Variants in UTRN observed in about 807,000 individuals in gnomAD.
UTRN encodes the protein dystrophin-related protein 1.
A neutral mutation model predicts 463.9 loss-of-function variants in UTRN; 283 were observed. The observed-to-expected ratio is 0.61, with a 90% CI of 0.55 to 0.67. The LOEUF (loss-of-function observed/expected upper bound fraction) is 0.67, where lower values mean the gene tolerates loss of function less well. Among genes scored for constraint, UTRN ranks in the 30% least tolerant of loss-of-function variants. UTRN has a pLI of 0.00. For synonymous variants in UTRN, 1,442 were observed against 1,431.5 expected (o/e 1.01, Z -0.17); for missense variants, 3,922 against 4,084.3 (o/e 0.96, Z 1.08).
chr6:144,427,826 G>A (rs1292141288), intron 7 of UTRN, among the ~76,000 whole-genome samples: 1 of 152,168 alleles, frequency 6.6e-6, no homozygotes, highest in Admixed American at 6.5e-5. Flanking sequence ...AGGGTATACA[G>A]CAGAGAACAA....
chr6:144,836,286 C>G lies in UTRN; in HGVS notation c.9825-15C>G, dbSNP rs755250336. On this transcript the variant is annotated splice_polypyrimidine_tract_variant and intron_variant, in intron 70 of 74. Transcript: ENST00000367545. ...CACGTGGTAGTCATTCTGTTTCTCC[C>G]TCTTTCTGTATTAGAAATCTACAGG... 5 of 1,613,938 alleles carry G rather than the reference C, an allele frequency of 3.1e-6. No individual in the cohort carries two copies. The South Asian group carries it at 5.5e-5, about 18-fold the overall frequency.
At chr6:144,422,881 T>G (rs1413968444) in intron 4 of UTRN, among the ~76,000 whole-genome samples, 1 of 152,232 alleles carries the variant, frequency 6.6e-6, no homozygotes, top group Non-Finnish European at 1.5e-5. Context: ...GATGTCATTC[T>G]CTCTCTTTGC....
At chr6:144,299,491 A>G (rs1219356007) in intron 2 of UTRN, among the ~76,000 whole-genome samples, 3 of 152,106 alleles carry the variant, frequency 2.0e-5, no homozygotes, top group African/African-American at 4.8e-5. Context: ...GGTGAAGTTA[A>G]AAGTGAGGAA....
At chr6:144,484,776 G>A (rs928463585) in intron 27 of UTRN, among the ~76,000 whole-genome samples, 5 of 151,782 alleles carry the variant, frequency 3.3e-5, no homozygotes, top group Non-Finnish European at 5.9e-5. Flanking sequence ...TTTCTCTCCT[G>A]TTTTTCTTAC....
chr6:144,828,407 C>T (rs1424463176), intron 68 of UTRN, among the ~76,000 whole-genome samples: 1 of 152,120 alleles, frequency 6.6e-6, no homozygotes, highest in Non-Finnish European at 1.5e-5. Flanking sequence ...AGAGTTGGAT[C>T]ATGTCCTTAG....
intron 2 of UTRN, among the ~76,000 whole-genome samples, chr6:144,300,552 T>C (rs745577354): frequency 2.6e-5 from 4 of 152,240 alleles, no homozygotes; most frequent in Non-Finnish European, 5.9e-5. Flanking sequence ...GGGATCTTTA[T>C]TTCTTCTTTG....
chr6:144,508,495 A>G (rs1160039822), intron 34 of UTRN, among the ~76,000 whole-genome samples: 1 of 152,164 alleles, frequency 6.6e-6, no homozygotes, highest in Non-Finnish European at 1.5e-5. Flanking sequence ...TCCCTTGGCT[A>G]GGGGAGGGAG....
chr6:144,717,223 A>G (rs73779107), intron 53 of UTRN, among the ~76,000 whole-genome samples: 3,463 of 152,310 alleles, frequency 0.023, 158 homozygotes, highest in African/African-American at 0.08. Flanking sequence ...TCATAGATGT[A>G]TAGAAATTTA....
Position 144,836,489 on chromosome 6 carries a change from A to G in UTRN, c.10013A>G (p.His3338Arg), listed in dbSNP as rs1413278884. The part of the protein sequence containing the change: ...LEARMQILED[H>R]NKQLESQLHR... ...GCTAGGATGCAGATTTTAGAAGATC[A>G]CAATAAACAGCTGGAGTCTCAGCTC... The change falls in exon 71 of 75, where the codon CAC becomes CGC. Residue 3338 changes from histidine to arginine, a missense_variant. By Grantham distance (29) the His-to-Arg change is conservative. Around this residue, in one of 3 missense-constraint regions of UTRN, gnomAD observed 1,309 missense variants for 1,452.6 expected, o/e 0.90. Transcript: ENST00000367545. The G allele has an allele frequency of 6.2e-7, 1 of 1,613,936 alleles. No individual in the cohort carries two copies. Among genetic ancestry groups the G allele is most frequent in the Non-Finnish European group, 8.5e-7 (1 of 1,179,980 alleles).
intron 50 of UTRN, 45 bp from the exon 51 acceptor site, chr6:144,577,054 A>G: frequency 6.3e-7 from 1 of 1,584,236 alleles, no homozygotes; most frequent in Non-Finnish European, 8.6e-7. Flanking sequence ...GGAATGTCAC[A>G]ACACTGTAAG....
At chr6:144,732,949 C>A (rs970994492) in intron 54 of UTRN, among the ~76,000 whole-genome samples, 3 of 152,128 alleles carry the variant, frequency 2.0e-5, no homozygotes, top group African/African-American at 7.2e-5. Flanking sequence ...GCCATCTTCC[C>A]ATTTTGGTCT....
Position 144,730,471 on chromosome 6 carries a change from C to G in UTRN, c.7924C>G (p.Leu2642Val). Reference sequence around the variant, plus strand: ...GGCCCCTGAAGAGCCAAGAAGAAACCTACAATCAAAAACAGGTGAGACTGG... The same window carrying G: ...GGCCCCTGAAGAGCCAAGAAGAAACGTACAATCAAAAACAGGTGAGACTGG... ...IEAPEEPRRN[L>V]QSKTELTPEE... Residue 2642 changes from leucine (L) to valine (V), a missense_variant, in exon 54 of 75, where the codon CTA becomes GTA. Physicochemically the swap from Leu to Val is conservative, Grantham distance 32. This residue lies in a region of UTRN where 1,309 missense variants were observed against 1,452.6 expected (regional missense o/e 0.90). Coordinates refer to ENST00000367545, the MANE Select transcript of UTRN (RefSeq NM_007124.3). 1 of 1,607,512 alleles carries G rather than the reference C, an allele frequency of 6.2e-7. No individual in the cohort carries two copies. Among genetic ancestry groups the G allele is most frequent in the Non-Finnish European group, 8.5e-7 (1 of 1,176,684 alleles).
chr6:144,463,355 T>C (rs959602775), intron 23 of UTRN, among the ~76,000 whole-genome samples: 1 of 152,142 alleles, frequency 6.6e-6, no homozygotes, highest in Non-Finnish European at 1.5e-5. Context: ...AGAAACAGGA[T>C]CCTTCACTAC....
intron 65 of UTRN, among the ~76,000 whole-genome samples, chr6:144,815,093 T>C (rs1207085162): frequency 6.6e-6 from 1 of 152,208 alleles, no homozygotes; most frequent in African/African-American, 2.4e-5. Context: ...AGTTGCCAAC[T>C]GAACTTGACC....
At position 144,488,860 on chromosome 6, in the gene UTRN, T is replaced by A. The variant is rs777601297; in HGVS notation, c.4134+26T>A. 9.6e-6 allele frequency: 15 copies of A among 1,560,776 alleles called. No individual in the cohort carries two copies. The South Asian group carries it at 1.7e-4, about 18-fold the overall frequency. On this transcript the variant is annotated intron_variant, in intron 30 of 74. Transcript: ENST00000367545. ...GTATTGCCGTGCATTTGAGGGCTTTTGAGCTGTAAAGAGAGCTTTTGTAAT... is the reference window on the plus strand; with the variant it reads ...GTATTGCCGTGCATTTGAGGGCTTTAGAGCTGTAAAGAGAGCTTTTGTAAT...
intron 51 of UTRN, among the ~76,000 whole-genome samples, chr6:144,617,382 A>G (rs797013689): frequency 5.7e-4 from 87 of 152,324 alleles, no homozygotes; most frequent in African/African-American, 1.9e-3. Context: ...ATTTCACATG[A>G]TATTTCCTCT....
At chr6:144,740,969 A>C (rs911392593) in intron 54 of UTRN, among the ~76,000 whole-genome samples, 3 of 152,228 alleles carry the variant, frequency 2.0e-5, no homozygotes, top group Non-Finnish European at 4.4e-5. Context: ...TTTTATTATA[A>C]TCAGCATCTG....
At chr6:144,407,908 T>A (rs1252467309) in intron 3 of UTRN, among the ~76,000 whole-genome samples, 1 of 152,210 alleles carries the variant, frequency 6.6e-6, no homozygotes, top group African/African-American at 2.4e-5. Context: ...AAAAAGTGAT[T>A]ATCTAAAAAA....
intron 56 of UTRN, among the ~76,000 whole-genome samples, chr6:144,752,833 A>G (rs994732773): frequency 3.3e-5 from 5 of 151,890 alleles, no homozygotes; most frequent in African/African-American, 1.2e-4. Context: ...TGTTATCACC[A>G]TTTCCGAAGA....
Sources: allele counts gnomAD v4.1 joint callset (sites outside exome capture counted in the v4.1 genomes callset), GRCh38; gene constraint gnomAD v4.1.1; regional missense constraint gnomAD v4.1.1; transcripts MANE v1.5; gene names NCBI Gene and HGNC (gene_info 2026-07-23, HGNC 2026-07-21).